DPP10: variants seen among roughly 807,000 people sequenced by gnomAD.
The protein encoded by DPP10 is inactive dipeptidyl peptidase 10.
DPP10 carries 33 observed loss-of-function variants against 120.9 expected under a neutral mutation model. The observed-to-expected ratio is 0.27, with a 90% confidence interval of 0.21 to 0.37. DPP10 has a LOEUF of 0.37. Ranked by LOEUF, DPP10 falls within the 10% of genes least tolerant of loss-of-function variation. The probability of loss-of-function intolerance (pLI) is 1.00; values close to 1 mark genes in which losing one functional copy is unlikely to be tolerated. For missense variants in DPP10, 816 were observed against 942.8 expected (o/e 0.87, Z 1.76); for synonymous variants, 337 against 326.1 (o/e 1.03, Z -0.36).
intron 3 of DPP10, among the ~76,000 whole-genome samples, chr2:115,399,879 G>A (rs969667569): frequency 4.0e-5 from 6 of 151,712 alleles, no homozygotes; most frequent in African/African-American, 1.5e-4. Flanking sequence ...TATATGAGAT[G>A]GGGTCATTTA....
intron 1 of DPP10, among the ~76,000 whole-genome samples, chr2:114,908,801 T>A (rs541838448): frequency 6.6e-6 from 1 of 151,744 alleles, no homozygotes. Flanking sequence ...TGCTTGATTA[T>A]TTTTTCTGTA....
chr2:115,539,095 A>C (rs1171194058), intron 5 of DPP10, among the ~76,000 whole-genome samples: 1 of 151,898 alleles, frequency 6.6e-6, no homozygotes, highest in Non-Finnish European at 1.5e-5. Context: ...GGAGGTGGAT[A>C]TATCAGTGTT....
chr2:115,638,727 A>T (rs2086548549), intron 5 of DPP10, among the ~76,000 whole-genome samples: 1 of 152,148 alleles, frequency 6.6e-6, no homozygotes, highest in Non-Finnish European at 1.5e-5. Context: ...AAATGTGTAG[A>T]GTCCAGACTA....
intron 1 of DPP10, among the ~76,000 whole-genome samples, chr2:114,472,365 A>G (rs935177871): frequency 1.3e-5 from 2 of 152,184 alleles, no homozygotes; most frequent in African/African-American, 4.8e-5. Context: ...ATTTATTTCA[A>G]TGGGGGCAGA....
chr2:114,473,705 A>T (rs1680128662), intron 1 of DPP10, among the ~76,000 whole-genome samples: 4 of 152,248 alleles, frequency 2.6e-5, no homozygotes, highest in African/African-American at 9.6e-5. Flanking sequence ...TGCAATAGAT[A>T]CAATGTAACC....
chr2:114,984,160 A>G (rs189940880), intron 1 of DPP10, among the ~76,000 whole-genome samples: 1 of 152,362 alleles, frequency 6.6e-6, no homozygotes, highest in Non-Finnish European at 1.5e-5. Context: ...CATATTTGAC[A>G]TGATTCCATT....
At chr2:115,783,871 G>C (rs7423823) in intron 17 of DPP10, among the ~76,000 whole-genome samples, 65,742 of 151,922 alleles carry the variant, frequency 0.43, 17,026 homozygotes, top group East Asian at 0.67. Context: ...AGTGTCCTCC[G>C]AGACAAATAA....
chr2:114,994,277 C>T (rs1267305606), intron 1 of DPP10, among the ~76,000 whole-genome samples: 2 of 152,076 alleles, frequency 1.3e-5, no homozygotes, highest in Non-Finnish European at 2.9e-5. Context: ...AATGCAATTA[C>T]TATGTAGAGT....
chr2:115,528,591 G>A (rs964001823), intron 5 of DPP10, among the ~76,000 whole-genome samples: 1 of 151,858 alleles, frequency 6.6e-6, no homozygotes, highest in Non-Finnish European at 1.5e-5. Flanking sequence ...ATTTATAATA[G>A]CCAAAAACTG....
chr2:114,898,157 AC>A (rs768856888), intron 1 of DPP10, among the ~76,000 whole-genome samples: 8 of 152,176 alleles, frequency 5.3e-5, no homozygotes, highest in African/African-American at 1.9e-4. Context: ...ACCATGGAAT[AC>A]TATGCAGCCA....
At chr2:114,744,065 C>A (rs1384103618) in intron 1 of DPP10, among the ~76,000 whole-genome samples, 1 of 152,044 alleles carries the variant, frequency 6.6e-6, no homozygotes, top group African/African-American at 2.4e-5. Flanking sequence ...GATATTTAAC[C>A]AAGCAGAGTT....
intron 3 of DPP10, among the ~76,000 whole-genome samples, chr2:115,418,545 A>G (rs913874528): frequency 6.6e-6 from 1 of 152,106 alleles, no homozygotes; most frequent in African/African-American, 2.4e-5. Flanking sequence ...CTGAGGCAGG[A>G]GGATTGCTTG....
At chr2:114,561,490 G>A (rs927238030) in intron 1 of DPP10, among the ~76,000 whole-genome samples, 1 of 151,958 alleles carries the variant, frequency 6.6e-6, no homozygotes, top group African/African-American at 2.4e-5. Flanking sequence ...AAATACATGT[G>A]CACACATATA....
At chr2:115,460,899 TC>T (rs749111225) in intron 3 of DPP10, among the ~76,000 whole-genome samples, 18 of 152,218 alleles carry the variant, frequency 1.2e-4, no homozygotes, top group Admixed American at 6.5e-5. Flanking sequence ...GATTGATTGT[TC>T]CACATGAGGG....
intron 5 of DPP10, among the ~76,000 whole-genome samples, chr2:115,627,444 T>C (rs2085456238): frequency 1.3e-5 from 2 of 152,104 alleles, no homozygotes; most frequent in Admixed American, 6.6e-5. Flanking sequence ...GACAGCAAGA[T>C]TTATAGTGTC....
At chr2:115,360,461 T>C (rs1025470151) in intron 3 of DPP10, among the ~76,000 whole-genome samples, 2 of 152,218 alleles carry the variant, frequency 1.3e-5, no homozygotes, top group African/African-American at 4.8e-5. Flanking sequence ...TTTGGTGGTG[T>C]AATTCAGACT....
chr2:114,897,717 C>T (rs1209295651), intron 1 of DPP10, among the ~76,000 whole-genome samples: 1 of 152,144 alleles, frequency 6.6e-6, no homozygotes, highest in Non-Finnish European at 1.5e-5. Context: ...CAAAAGAAGA[C>T]ATTTATGCAG....
intron 1 of DPP10, among the ~76,000 whole-genome samples, chr2:114,596,518 TA>T (rs1691920590): frequency 1.3e-5 from 2 of 152,126 alleles, no homozygotes; most frequent in Non-Finnish European, 2.9e-5. Context: ...GATAAATGCA[TA>T]GATGTCTTTA....
intron 5 of DPP10, among the ~76,000 whole-genome samples, chr2:115,637,832 A>T (rs951702424): frequency 1.3e-5 from 2 of 152,172 alleles, no homozygotes; most frequent in African/African-American, 4.8e-5. Context: ...TTGTGTGAAG[A>T]AAAATTAAGC....
Sources: allele counts gnomAD v4.1 joint callset (sites outside exome capture counted in the v4.1 genomes callset), GRCh38; gene constraint gnomAD v4.1.1; transcripts MANE v1.5; gene names NCBI Gene and HGNC (gene_info 2026-07-23, HGNC 2026-07-21).